Variants in ANOS1 observed in about 807,000 individuals in gnomAD.
The protein encoded by ANOS1 is anosmin-1.
Under a neutral mutation model 59.0 loss-of-function variants are expected in ANOS1, and 6 were observed. The ratio of observed to expected loss-of-function variants is 0.10; its 90% CI spans 0.06 to 0.20. The LOEUF is 0.20. Ranked by LOEUF, ANOS1 falls within the 10% of genes least tolerant of loss-of-function variation. The probability of loss-of-function intolerance (pLI) is 1.00; values close to 1 mark genes in which losing one functional copy is unlikely to be tolerated. For missense variants in ANOS1, 433 were observed against 542.3 expected (o/e 0.80, Z 2.00); for synonymous variants, 217 against 223.4 (o/e 0.97, Z 0.25).
intron 3 of ANOS1, among the ~76,000 whole-genome samples, chrX:8,602,376 T>C (rs1398303907): frequency 2.7e-5 from 3 of 111,829 alleles, no homozygotes; most frequent in Non-Finnish European, 3.8e-5. Flanking sequence ...TGGTCTCCAG[T>C]AGGAAATCCT....
intron 2 of ANOS1, among the ~76,000 whole-genome samples, chrX:8,654,260 T>A (rs1931895226): frequency 8.9e-6 from 1 of 111,983 alleles, no homozygotes; most frequent in African/African-American, 3.2e-5. Context: ...AAACCACATG[T>A]GTAACCAAAA....
chrX:8,534,540 T>C (rs1929557944), intron 12 of ANOS1, 80 bp from the exon 13 acceptor site: 1 of 1,028,842 alleles, frequency 9.7e-7, no homozygotes, highest in Non-Finnish European at 1.4e-6. Flanking sequence ...CCTAGAACAG[T>C]TTTTCCCCCA....
chrX:8,654,142 CT>C (rs1174250961), intron 2 of ANOS1, among the ~76,000 whole-genome samples: 1 of 111,799 alleles, frequency 8.9e-6, no homozygotes, highest in African/African-American at 3.3e-5. Context: ...CTGACACTGC[CT>C]TCGTTAAACC....
intron 3 of ANOS1, among the ~76,000 whole-genome samples, chrX:8,611,233 G>A (rs1428836576): frequency 9.9e-6 from 1 of 101,405 alleles, no homozygotes; most frequent in East Asian, 3.0e-4. Flanking sequence ...TTACTTAAAA[G>A]GAAAGCAAAG....
intron 2 of ANOS1, among the ~76,000 whole-genome samples, chrX:8,640,297 T>C (rs977288330): frequency 9.0e-6 from 1 of 111,000 alleles, no homozygotes; most frequent in Non-Finnish European, 1.9e-5. Context: ...CTTCACGCCA[T>C]GATCTTCCTA....
chrX:8,614,046 G>A (rs907391494), intron 3 of ANOS1, among the ~76,000 whole-genome samples: 5 of 111,883 alleles, frequency 4.5e-5, no homozygotes, highest in African/African-American at 6.5e-5. Flanking sequence ...GCGTGACCAA[G>A]TCTGAGAAGG....
intron 6 of ANOS1, among the ~76,000 whole-genome samples, chrX:8,580,337 T>C (rs1231712549): frequency 1.8e-5 from 2 of 112,248 alleles, no homozygotes; most frequent in Non-Finnish European, 3.8e-5. Context: ...AGTATTTAAG[T>C]AGGCAAATAT....
At chrX:8,684,371 G>A (rs1932471904) in intron 2 of ANOS1, among the ~76,000 whole-genome samples, 1 of 111,155 alleles carries the variant, frequency 9.0e-6, no homozygotes, top group Non-Finnish European at 1.9e-5. Flanking sequence ...TTCTAGGAAG[G>A]GATTATTTCT....
At chrX:8,713,991 T>C (rs1932827976) in intron 1 of ANOS1, among the ~76,000 whole-genome samples, 1 of 112,273 alleles carries the variant, frequency 8.9e-6, no homozygotes, top group African/African-American at 3.2e-5. Flanking sequence ...AGGTATCTTA[T>C]TGGATTCTTG....
chrX:8,685,543 AG>A (rs1932496166), intron 2 of ANOS1, among the ~76,000 whole-genome samples: 1 of 99,469 alleles, frequency 1.0e-5, no homozygotes, highest in Admixed American at 1.1e-4. Flanking sequence ...AGAGAGGAGA[AG>A]GGGAAGAAAG....
intron 9 of ANOS1, 47 bp from the exon 10 acceptor site, chrX:8,539,805 A>C (rs1053031507): frequency 3.8e-5 from 46 of 1,203,473 alleles, no homozygotes; most frequent in Non-Finnish European, 5.2e-5. Flanking sequence ...TGGATGTTAC[A>C]TTCCAGGTAG....
In ANOS1 at chrX:8,648,174, C is replaced by T. The variant is rs148483671; in HGVS notation, c.256-24504G>A. Among the ~76,000 whole-genome samples the T allele has an allele frequency of 1.8e-3, 199 of 111,533 alleles. 1 individual carries two copies. Among genetic ancestry groups the T allele is most frequent in the Admixed American group, 4.7e-3 (49 of 10,483 alleles). The stretch of plus-strand genomic sequence containing the variant: ...ACCAATATGATATATTAAAATAGAA[C>T]AATTGGCCAGGCGTAGTTGCTCATG... On this transcript the variant is annotated intron_variant, in intron 2 of 13. Coordinates refer to ENST00000262648, the MANE Select transcript of ANOS1 (RefSeq NM_000216.4).
At chrX:8,549,634 T>C (rs924304280) in intron 9 of ANOS1, among the ~76,000 whole-genome samples, 2 of 112,340 alleles carry the variant, frequency 1.8e-5, no homozygotes, top group Non-Finnish European at 3.8e-5. Flanking sequence ...CTCTGCACTA[T>C]AAGCAGTGCC....
intron 2 of ANOS1, among the ~76,000 whole-genome samples, chrX:8,670,852 T>A (rs1055753028): frequency 2.7e-5 from 3 of 111,499 alleles, no homozygotes; most frequent in African/African-American, 9.8e-5. Flanking sequence ...TTCACCTAAG[T>A]AACTGGCCTT....
At chrX:8,695,562 T>C (rs1602029832) in intron 2 of ANOS1, among the ~76,000 whole-genome samples, 1 of 111,231 alleles carries the variant, frequency 9.0e-6, no homozygotes, top group Non-Finnish European at 1.9e-5. Flanking sequence ...GAGTAGGCCA[T>C]CTTTAGGCTG....
intron 2 of ANOS1, among the ~76,000 whole-genome samples, chrX:8,634,349 G>A (rs994509273): frequency 9.2e-6 from 1 of 108,246 alleles, no homozygotes; most frequent in African/African-American, 3.4e-5. Context: ...ATATGATGAA[G>A]CAAATATAGC....
intron 8 of ANOS1, among the ~76,000 whole-genome samples, chrX:8,555,945 A>G (rs754090101): frequency 2.0e-4 from 22 of 112,782 alleles, no homozygotes; most frequent in Non-Finnish European, 3.7e-4. Flanking sequence ...AAAATCCTCA[A>G]TAAAATACTG....
At chrX:8,604,463 TC>T (rs1365690725) in intron 3 of ANOS1, among the ~76,000 whole-genome samples, 1 of 112,376 alleles carries the variant, frequency 8.9e-6, no homozygotes, top group Admixed American at 9.5e-5. Context: ...ACCTGAATAT[TC>T]AAAAATGCAA....
Position 8,613,115 on chromosome X carries a change from C to T in ANOS1, c.318+10493G>A, listed in dbSNP as rs748257440. On this transcript the variant is annotated intron_variant, in intron 3 of 13. Transcript: ENST00000262648. The stretch of plus-strand genomic sequence containing the variant: ...GCATTGGGGAATAAAGATAAATCAA[C>T]GATTATAATTCTGTATCTTGAATAA... Among the ~76,000 whole-genome samples, 6 of 112,345 alleles carry T rather than the reference C, an allele frequency of 5.3e-5. No homozygotes were observed. The East Asian group carries it at 8.4e-4, about 16-fold the overall frequency.
Sources: allele counts gnomAD v4.1 joint callset (sites outside exome capture counted in the v4.1 genomes callset), GRCh38; gene constraint gnomAD v4.1.1; transcripts MANE v1.5; gene names NCBI Gene and HGNC (gene_info 2026-07-23, HGNC 2026-07-21).